The following MACROD2 variants were observed in gnomAD, a reference collection of about 807,000 sequenced individuals.
MACROD2 encodes the protein mono-ADP ribosylhydrolase 2, also known as ADP-ribose glycohydrolase MACROD2.
A neutral mutation model predicts 70.4 loss-of-function variants in MACROD2; 36 were observed. The ratio of observed to expected loss-of-function variants is 0.51; its 90% confidence interval spans 0.39 to 0.68. MACROD2 has a LOEUF of 0.68. MACROD2 is among the 30% of genes least tolerant of loss of function. The pLI is 0.00. For synonymous variants in MACROD2, 172 were observed against 178.8 expected, an observed-to-expected ratio of 0.96 and a Z score of 0.30; for missense variants, 496 against 538.4, an observed-to-expected ratio of 0.92 and a Z score of 0.78.
chr20:14,428,383 T>C (rs542820898), intron 3 of MACROD2, among the ~76,000 whole-genome samples: 4 of 152,288 alleles, frequency 2.6e-5, no homozygotes, highest in Admixed American at 2.6e-4. Context: ...CAGTCTAGTA[T>C]TCAAGAGAAT....
chr20:15,841,602 C>G (rs6074955), intron 8 of MACROD2, among the ~76,000 whole-genome samples: 131,540 of 152,008 alleles, frequency 0.87, 57,197 homozygotes, highest in East Asian at 0.99. Context: ...ACAGTATTTA[C>G]GGGATGGTGC....
intron 15 of MACROD2, among the ~76,000 whole-genome samples, chr20:16,021,995 G>A (rs1302039962): frequency 6.6e-6 from 1 of 150,772 alleles, no homozygotes; most frequent in Non-Finnish European, 1.5e-5. Flanking sequence ...TGGTCATTTA[G>A]CAAAAAGTAG....
At chr20:15,121,266 C>G (rs2076028015) in intron 5 of MACROD2, among the ~76,000 whole-genome samples, 1 of 152,108 alleles carries the variant, frequency 6.6e-6, no homozygotes. Context: ...AATCCCAGCA[C>G]TTTGGGAAGC....
intron 5 of MACROD2, among the ~76,000 whole-genome samples, chr20:14,969,978 G>GTCATCATCATCA (rs202085879): frequency 6.6e-6 from 1 of 151,864 alleles, no homozygotes; most frequent in African/African-American, 2.4e-5. Context: ...TTCCATCATC[G>GTCATCATCATCA]TCATCATCAT....
intron 5 of MACROD2, among the ~76,000 whole-genome samples, chr20:15,093,831 T>C (rs1030677579): frequency 6.6e-6 from 1 of 152,184 alleles, no homozygotes; most frequent in South Asian, 2.1e-4. Context: ...GTACTTAGTC[T>C]GTGTCAGACA....
At chr20:14,136,074 T>C (rs975497811) in intron 3 of MACROD2, among the ~76,000 whole-genome samples, 1 of 152,186 alleles carries the variant, frequency 6.6e-6, no homozygotes, top group East Asian at 1.9e-4. Context: ...TGATCTTCTA[T>C]TAGAAAATTC....
chr20:14,146,382 T>G (rs2054943902), intron 3 of MACROD2, among the ~76,000 whole-genome samples: 2 of 152,248 alleles, frequency 1.3e-5, no homozygotes, highest in East Asian at 3.9e-4. Flanking sequence ...GATTTAGTGG[T>G]TGGCCTTGAT....
intron 3 of MACROD2, among the ~76,000 whole-genome samples, chr20:14,137,945 G>T (rs996537959): frequency 6.6e-6 from 1 of 152,092 alleles, no homozygotes; most frequent in East Asian, 1.9e-4. Flanking sequence ...CCAAAGATGG[G>T]CAAAGGACCT....
intron 5 of MACROD2, among the ~76,000 whole-genome samples, chr20:15,120,208 A>G (rs532008693): frequency 2.0e-5 from 3 of 152,276 alleles, no homozygotes; most frequent in Non-Finnish European, 2.9e-5. Context: ...ATGATGGTAC[A>G]TGTTATTCTT....
At position 15,923,267 on chromosome 20, in the gene MACROD2, C is replaced by T. The variant is rs369275850; in HGVS notation, c.776-10009C>T. ...GGCTGGGGAGGCCTCAGACTCATGG[C>T]GGGAAGTGAAAGACTCTTCTTCCAT... On this transcript the variant is annotated intron_variant, in intron 10 of 17. Transcript: ENST00000684519. Among the ~76,000 whole-genome samples the T allele has an allele frequency of 1.1e-4, 17 of 152,150 alleles. No homozygotes were observed. The East Asian group carries it at 1.5e-3, about 14-fold the overall frequency.
intron 5 of MACROD2, among the ~76,000 whole-genome samples, chr20:14,964,337 C>A (rs2074611616): frequency 6.6e-6 from 1 of 152,020 alleles, no homozygotes; most frequent in South Asian, 2.1e-4. Context: ...CTTTGGGAGG[C>A]CGAGGAGGGC....
intron 3 of MACROD2, among the ~76,000 whole-genome samples, chr20:14,140,675 C>G (rs1169116459): frequency 6.6e-6 from 1 of 152,040 alleles, no homozygotes. Flanking sequence ...TACCTCAGCT[C>G]CAGCTGCTGC....
chr20:14,035,248 A>G (rs891357425), intron 2 of MACROD2, among the ~76,000 whole-genome samples: 3 of 152,204 alleles, frequency 2.0e-5, no homozygotes, highest in Admixed American at 6.5e-5. Flanking sequence ...GTGTTAAACA[A>G]TAGTGCTCAT....
intron 4 of MACROD2, among the ~76,000 whole-genome samples, chr20:14,512,096 G>A (rs533422198): frequency 6.6e-6 from 1 of 152,196 alleles, no homozygotes; most frequent in South Asian, 2.1e-4. Flanking sequence ...TGAATTCAAA[G>A]TGCATAGGCA....
rs965387129 is a variant in MACROD2 at position 15,220,395 on chromosome 20, C to T, written c.419-9545C>T. Among the ~76,000 whole-genome samples the T allele has an allele frequency of 7.1e-4, 108 of 152,214 alleles. 1 individual carries two copies. The highest frequency in any genetic ancestry group is 2.4e-3 in the African/African-American group (99 of 41,448). On this transcript the variant is annotated intron_variant, in intron 5 of 17. Coordinates refer to ENST00000684519, the MANE Select transcript of MACROD2 (RefSeq NM_001351661.2). ...AACACAGACATAGATTTGTCATATT[C>T]CCTGCAGTGGAAGCATCGAGTCACT...
At chr20:15,452,760 G>C (rs964535734) in intron 7 of MACROD2, among the ~76,000 whole-genome samples, 1 of 152,138 alleles carries the variant, frequency 6.6e-6, no homozygotes, top group Non-Finnish European at 1.5e-5. Context: ...CTAATTCCTG[G>C]AGAAGATATT....
intron 7 of MACROD2, among the ~76,000 whole-genome samples, chr20:15,442,039 TC>T (rs2046500952): frequency 6.6e-6 from 1 of 152,170 alleles, no homozygotes; most frequent in African/African-American, 2.4e-5. Flanking sequence ...TGAAATAATT[TC>T]TACGTCCTTG....
In MACROD2 at chr20:15,590,228, G is replaced by A. The variant is rs16996069; in HGVS notation, c.645+90381G>A. On this transcript the variant is annotated intron_variant, in intron 8 of 17. Transcript: ENST00000684519. ...TAGTGTTGTGGAGAACTCACTATAC[G>A]CCAGGTAGCATGCTAGACATTTCCA... Among the ~76,000 whole-genome samples the A allele has an allele frequency of 8.2e-3, 1,244 of 152,230 alleles. 20 individuals carry two copies. Among genetic ancestry groups the A allele is most frequent in the African/African-American group, 0.028 (1,177 of 41,544 alleles).
chr20:15,490,621 G>A (rs1241660138), intron 7 of MACROD2, among the ~76,000 whole-genome samples: 1 of 152,062 alleles, frequency 6.6e-6, no homozygotes, highest in Non-Finnish European at 1.5e-5. Flanking sequence ...CCAACACCAG[G>A]TCATGGGGGC....
Sources: gnomAD v4.1 joint callset for allele counts (sites outside exome capture counted in the v4.1 genomes callset) on GRCh38, gnomAD v4.1.1 for gene constraint, MANE v1.5 for transcripts, NCBI Gene and HGNC (gene_info 2026-07-23, HGNC 2026-07-21) for gene names.